CDC20: variants seen among roughly 807,000 people sequenced by gnomAD.
The protein encoded by CDC20 is cell division cycle 20.
Under a neutral mutation model 60.0 loss-of-function variants are expected in CDC20, and 34 were observed. The ratio of observed to expected loss-of-function variants is 0.57; its 90% confidence interval spans 0.43 to 0.75. The LOEUF is 0.75. Ranked by LOEUF, CDC20 falls within the 30% of genes least tolerant of loss-of-function variation. The pLI is 0.00. For missense variants in CDC20, 469 were observed against 647.3 expected, an observed-to-expected ratio of 0.72 and a Z score of 2.99; for synonymous variants, 198 against 243.5, an observed-to-expected ratio of 0.81 and a Z score of 1.74.
Position 43,359,194 on chromosome 1 carries a change from C to A in CDC20, c.-22C>A. 3 of 1,611,230 alleles carry A rather than the reference C, an allele frequency of 1.9e-6. No individual in the cohort carries two copies. Among genetic ancestry groups the A allele is most frequent in the Non-Finnish European group, 2.5e-6 (3 of 1,179,736 alleles). ...CTCCGTAGGCACCAACTGCAAGGAC[C>A]CCTCCCCCTGCGGGCGCTCCCATGG... On this transcript the variant is annotated 5_prime_UTR_variant, in exon 2 of 11. Coordinates refer to ENST00000310955, the MANE Select transcript of CDC20 (RefSeq NM_001255.3).
Position 43,360,363 on chromosome 1 carries a change from G to A in CDC20, c.727G>A (p.Val243Met). ...AWIKEGNYLA[V>M]GTSSAEVQLW... ...GATCAAAGAGGGCAACTACTTGGCT[G>A]TGGGCACCAGCAGTGCTGAGGTGCA... The change falls in exon 6 of 11, where the codon GTG becomes ATG. Residue 243 changes from valine to methionine, a missense_variant. Val to Met is a conservative substitution (Grantham distance 21). Coordinates refer to ENST00000310955, the MANE Select transcript of CDC20 (RefSeq NM_001255.3). 2 of 1,614,216 alleles carry A rather than the reference G, an allele frequency of 1.2e-6. No homozygotes were observed. Among genetic ancestry groups the A allele is most frequent in the Non-Finnish European group, 1.7e-6 (2 of 1,180,040 alleles).
chr1:43,362,034 C>T (rs1022276463), intron 9 of CDC20, among the ~76,000 whole-genome samples, 161 bp from the exon 10 acceptor site: 4 of 152,214 alleles, frequency 2.6e-5, no homozygotes, highest in Non-Finnish European at 4.4e-5. Flanking sequence ...GTTACATCAG[C>T]GAGTGTCTAT....
At chr1:43,362,539 G>A (rs1246007317) in intron 10 of CDC20, among the ~76,000 whole-genome samples, 1 of 152,194 alleles carries the variant, frequency 6.6e-6, no homozygotes, top group Non-Finnish European at 1.5e-5. Flanking sequence ...ATTTTATGGT[G>A]TGTGAATTAT....
Position 43,360,724 on chromosome 1 carries a change from C to G in CDC20, c.849-9C>G. On this transcript the variant is annotated splice_polypyrimidine_tract_variant and intron_variant, in intron 7 of 10. Coordinates refer to ENST00000310955, the MANE Select transcript of CDC20 (RefSeq NM_001255.3). Reference sequence around the variant, plus strand: ...CCACAGAACCTGATTCCCTTCTTTCCTCCTCCAGTGGTTCACGTTCTGGCC... The same window carrying G: ...CCACAGAACCTGATTCCCTTCTTTCGTCCTCCAGTGGTTCACGTTCTGGCC... The G allele has an allele frequency of 6.2e-7, 1 of 1,609,476 alleles. No individual in the cohort carries two copies. The highest frequency in any genetic ancestry group is 8.5e-7 in the Non-Finnish European group (1 of 1,176,146).
intron 6 of CDC20, 27 bp from the exon 7 acceptor site, chr1:43,360,472 C>G: frequency 1.9e-6 from 3 of 1,611,134 alleles, no homozygotes; most frequent in Non-Finnish European, 2.5e-6. Flanking sequence ...GTCCCAATCT[C>G]TGATCCTAGT....
chr1:43,359,270 C>T lies in CDC20; in HGVS notation c.55C>T (p.Pro19Ser). 6.2e-7 allele frequency: 1 copy of T among 1,612,104 alleles called. No homozygotes were observed. The highest frequency in any genetic ancestry group is 1.3e-5 in the African/African-American group (1 of 75,022). The change falls in exon 2 of 11, where the codon CCC becomes TCC. Residue 19 changes from proline (P) to serine (S), a missense_variant. By Grantham distance (74) the Pro-to-Ser change is moderately conservative. Coordinates refer to ENST00000310955, the MANE Select transcript of CDC20 (RefSeq NM_001255.3). ...DLHSLLQLDA[P>S]IPNAPPARWQ... ...GCACTCGCTGCTTCAGCTGGATGCACCCATCCCCAATGCACCCCCTGCGCG... is the reference window on the plus strand; with the variant it reads ...GCACTCGCTGCTTCAGCTGGATGCATCCATCCCCAATGCACCCCCTGCGCG...
chr1:43,360,821 T>A lies in CDC20; in HGVS notation c.937T>A (p.Cys313Ser), dbSNP rs760534440. ...ATLSGHSQEV[C>S]GLRWAPDGRH... is the part of the protein sequence containing the mutation. The stretch of plus-strand genomic sequence containing the variant: ...ACTGAGTGGCCACAGCCAGGAAGTG[T>A]GTGGGCTGCGCTGGGCCCCAGATGG... The change falls in exon 8 of 11, where the codon TGT becomes AGT. Residue 313 changes from cysteine (C) to serine (S), a missense_variant. Physicochemically the swap from Cys to Ser is moderately radical, Grantham distance 112. Coordinates refer to ENST00000310955, the MANE Select transcript of CDC20 (RefSeq NM_001255.3). The A allele has an allele frequency of 6.2e-7, 1 of 1,613,986 alleles. No individual in the cohort carries two copies.
chr1:43,360,714 C>A lies in CDC20; in HGVS notation c.849-19C>A. On this transcript the variant is annotated intron_variant, in intron 7 of 10. Coordinates refer to ENST00000310955, the MANE Select transcript of CDC20 (RefSeq NM_001255.3). ...TTTGGTGCTGCCACAGAACCTGATT[C>A]CCTTCTTTCCTCCTCCAGTGGTTCA... 6.2e-7 allele frequency: 1 copy of A among 1,605,470 alleles called. No individual in the cohort carries two copies. The highest frequency in any genetic ancestry group is 8.5e-7 in the Non-Finnish European group (1 of 1,172,656).
At position 43,360,328 on chromosome 1, in the gene CDC20, C is replaced by T. The variant is rs1297007617; in HGVS notation, c.692C>T (p.Ser231Phe). The T allele has an allele frequency of 1.2e-6, 2 of 1,614,230 alleles. No homozygotes were observed. Among genetic ancestry groups the T allele is most frequent in the Non-Finnish European group, 8.5e-7 (1 of 1,180,052 alleles). The change falls in exon 6 of 11, where the codon TCT (serine) becomes TTT (phenylalanine). Residue 231 changes from serine (S) to phenylalanine (F), a missense_variant. Ser to Phe is a radical substitution (Grantham distance 155). Around this residue, in one of 5 missense-constraint regions of CDC20, gnomAD observed 255 missense variants for 326.7 expected, o/e 0.78. Transcript: ENST00000310955. Reference protein sequence around the residue: ...QMEQPGEYISSVAWIKEGNYL... With the variant: ...QMEQPGEYISFVAWIKEGNYL... The stretch of plus-strand genomic sequence containing the variant: ...GAGCAGCCTGGGGAATATATATCCT[C>T]TGTGGCCTGGATCAAAGAGGGCAAC...
chr1:43,360,171 C>CA, intron 5 of CDC20, 22 bp from the exon 6 acceptor site: 1 of 1,613,858 alleles, frequency 6.2e-7, no homozygotes, highest in Non-Finnish European at 8.5e-7. Flanking sequence ...GAAGCTCATG[C>CA]TCTTCTCTCC....
At chr1:43,361,089 T>A (rs1258995711) in intron 8 of CDC20, 31 bp from the exon 9 acceptor site, 1 of 1,613,962 alleles carries the variant, frequency 6.2e-7, no homozygotes, top group Non-Finnish European at 8.5e-7. Context: ...CTGGCTCTAG[T>A]ACCTGCTGAC....
chr1:43,358,997 G>C lies in CDC20; in HGVS notation c.-59G>C. ...TGTTAAAGCCGGTCGGAACTGCTCCGGAGGGCACGGTGAGAGGTGGTGGGG... is the reference window on the plus strand; with the variant it reads ...TGTTAAAGCCGGTCGGAACTGCTCCCGAGGGCACGGTGAGAGGTGGTGGGG... On this transcript the variant is annotated 5_prime_UTR_variant, in exon 1 of 11. Coordinates refer to ENST00000310955, the MANE Select transcript of CDC20 (RefSeq NM_001255.3). 1.7e-6 allele frequency: 1 copy of C among 604,046 alleles called. No individual in the cohort carries two copies. Among genetic ancestry groups the C allele is most frequent in the Non-Finnish European group, 2.9e-6 (1 of 340,060 alleles). 37.4% of individuals were successfully genotyped at this position (604,046 alleles called of 1,614,324 possible). A position where few individuals can be genotyped will look rare whatever the true frequency, so the allele number is the denominator to read the frequency against.
intron 7 of CDC20, 54 bp downstream of exon 7, chr1:43,360,647 G>C (rs1647168802): frequency 2.6e-6 from 4 of 1,567,286 alleles, no homozygotes; most frequent in Non-Finnish European, 2.6e-6. Flanking sequence ...CCCTCCCCTT[G>C]ACTGTACACC....
At chr1:43,362,387 C>A in intron 10 of CDC20, 75 bp downstream of exon 10, 5 of 695,974 alleles carry the variant, frequency 7.2e-6, no homozygotes, top group African/African-American at 3.5e-5. Flanking sequence ...TAAGCAAATC[C>A]AGAGAAAAAA....
chr1:43,363,046 T>C lies in CDC20; in HGVS notation c.1417T>C (p.Phe473Leu), dbSNP rs528069998. Residue 473 changes from phenylalanine to leucine, a missense_variant, in exon 11 of 11, where the codon TTT becomes CTT. Physicochemically the swap from Phe to Leu is conservative, Grantham distance 22 (BLOSUM62 0). This residue lies in a region of CDC20 where 72 missense variants were observed against 77.9 expected (regional missense o/e 0.92). Transcript: ENST00000310955. ...ADETLRLWRC[F>L]ELDPARRRER... is the part of the protein sequence containing the mutation. ...TGAGACCCTGAGGCTATGGCGCTGT[T>C]TTGAGTTGGACCCTGCGCGGCGGCG... 24 of 1,613,660 alleles carry C rather than the reference T, an allele frequency of 1.5e-5. No individual in the cohort carries two copies. In the South Asian group the frequency reaches 2.3e-4, roughly 16 times the overall value.
rs766199335 is a variant in CDC20, at chr1:43,361,214, CCTGT to C, written c.1176_1179del (p.Cys392Ter). The C allele has an allele frequency of 4.2e-5, 67 of 1,611,766 alleles. No individual in the cohort carries two copies. Among genetic ancestry groups the C allele is most frequent in the South Asian group, 1.5e-4 (14 of 90,750 alleles). ...CGCATCTGGAATGTGTGCTCTGGGGCCTGTCTGAGTGCCGTGGATGCCCATTCCC... is the reference window on the plus strand; with the variant it reads ...CGCATCTGGAATGTGTGCTCTGGGGCCTGAGTGCCGTGGATGCCCATTCCC... On this transcript the variant is annotated frameshift_variant, in exon 9 of 11. Coordinates refer to ENST00000310955, the MANE Select transcript of CDC20 (RefSeq NM_001255.3). LOFTEE classifies it high-confidence loss of function.
intron 8 of CDC20, 64 bp downstream of exon 8, chr1:43,361,025 A>C (rs895745676): frequency 6.3e-7 from 1 of 1,597,540 alleles, no homozygotes. Flanking sequence ...TGTTAAGGGG[A>C]GAAGGGATGG....
chr1:43,360,097 T>G lies in CDC20; in HGVS notation c.556T>G (p.Tyr186Asp). Reference protein sequence around the residue: ...LDAPEIRNDYYLNLVDWSSGN... With the variant: ...LDAPEIRNDYDLNLVDWSSGN... The stretch of plus-strand genomic sequence containing the variant: ...TGCGCCTGAAATCCGAAATGACTAT[T>G]GTAAGTGCATCCTTATCCTCGCCTC... Residue 186 changes from tyrosine (Y) to aspartate (D), a missense_variant and splice_region_variant, in exon 5 of 11, where the codon TAC (tyrosine) becomes GAC (aspartate). By Grantham distance (160) the Tyr-to-Asp change is radical. Transcript: ENST00000310955. 1 of 1,614,214 alleles carries G rather than the reference T, an allele frequency of 6.2e-7. No individual in the cohort carries two copies. Among genetic ancestry groups the G allele is most frequent in the Non-Finnish European group, 8.5e-7 (1 of 1,180,042 alleles).
rs1647166476 is a variant in CDC20 at position 43,360,289 on chromosome 1, A to T, written c.653A>T (p.Gln218Leu). 3 of 1,614,226 alleles carry T rather than the reference A, an allele frequency of 1.9e-6. No individual in the cohort carries two copies. Among genetic ancestry groups the T allele is most frequent in the South Asian group, 2.2e-5 (2 of 91,088 alleles). Residue 218 changes from glutamine to leucine, a missense_variant, in exon 6 of 11, where the codon CAG (glutamine) becomes CTG (leucine). By Grantham distance (113) the Gln-to-Leu change is moderately radical (BLOSUM62 -2). Transcript: ENST00000310955. The stretch of plus-strand genomic sequence containing the variant: ...AGTGCAAGCTCTGGTGACATCCTGC[A>T]GCTTTTGCAAATGGAGCAGCCTGGG... ...LWSASSGDIL[Q>L]LLQMEQPGEY...
Sources: allele counts gnomAD v4.1 joint callset (sites outside exome capture counted in the v4.1 genomes callset), GRCh38; gene constraint gnomAD v4.1.1; regional missense constraint gnomAD v4.1.1; transcripts MANE v1.5; gene names NCBI Gene and HGNC (gene_info 2026-07-23, HGNC 2026-07-21).